TGFBR1: variants seen among roughly 807,000 people sequenced by gnomAD.
The protein encoded by TGFBR1 is transforming growth factor beta receptor 1.
A neutral mutation model predicts 55.1 loss-of-function variants in TGFBR1; 20 were observed. The ratio of observed to expected loss-of-function variants is 0.36; its 90% CI spans 0.26 to 0.53. TGFBR1 has a LOEUF of 0.53. Ranked by LOEUF, TGFBR1 falls within the 20% of genes least tolerant of loss-of-function variation. The pLI is 0.91. For synonymous variants in TGFBR1, 220 were observed against 214.8 expected, an observed-to-expected ratio of 1.02 and a Z score of -0.21; for missense variants, 385 against 617.6, an observed-to-expected ratio of 0.62 and a Z score of 3.99.
intron 1 of TGFBR1, among the ~76,000 whole-genome samples, chr9:99,111,272 A>AT (rs542413873): frequency 9.1e-4 from 108 of 118,320 alleles, no homozygotes; most frequent in African/African-American, 3.3e-3. Context: ...CATTATTAAC[A>AT]TTTGGCATAT....
intron 1 of TGFBR1, among the ~76,000 whole-genome samples, chr9:99,122,770 A>C (rs1168495384): frequency 6.6e-6 from 1 of 152,148 alleles, no homozygotes; most frequent in Non-Finnish European, 1.5e-5. Flanking sequence ...GTGCTGAATC[A>C]CACTGAAATC....
At chr9:99,111,120 C>T (rs1826556036) in intron 1 of TGFBR1, among the ~76,000 whole-genome samples, 1 of 152,086 alleles carries the variant, frequency 6.6e-6, no homozygotes, top group Non-Finnish European at 1.5e-5. Flanking sequence ...TTTGAATCTT[C>T]CTGACGAGTC....
At chr9:99,116,465 A>T (rs1045181676) in intron 1 of TGFBR1, among the ~76,000 whole-genome samples, 2 of 152,226 alleles carry the variant, frequency 1.3e-5, no homozygotes. Context: ...GTAACTGGGA[A>T]AAAGGAAAAT....
intron 1 of TGFBR1, among the ~76,000 whole-genome samples, chr9:99,107,372 A>G (rs1826442687): frequency 6.6e-6 from 1 of 152,228 alleles, no homozygotes; most frequent in African/African-American, 2.4e-5. Flanking sequence ...TCTGTCTCCA[A>G]CATAGGTTTC....
At chr9:99,134,805 TATATATATATATATA>T (rs1564157147) in intron 3 of TGFBR1, among the ~76,000 whole-genome samples, 4,906 of 31,784 alleles carry the variant, frequency 0.15, 346 homozygotes, top group Non-Finnish European at 0.2. Context: ...GTTTCCATTA[TATATATATATATATA>T]TATATATATA....
chr9:99,136,830 TTG>T (rs1184644134), intron 3 of TGFBR1, among the ~76,000 whole-genome samples: 1 of 151,964 alleles, frequency 6.6e-6, no homozygotes, highest in Non-Finnish European at 1.5e-5. Flanking sequence ...GTAAGCAGCT[TTG>T]AGTATAGATT....
At chr9:99,121,145 A>G (rs533736443) in intron 1 of TGFBR1, among the ~76,000 whole-genome samples, 1 of 152,346 alleles carries the variant, frequency 6.6e-6, no homozygotes, top group South Asian at 2.1e-4. Flanking sequence ...TATCTGGAAA[A>G]AAATCAGGCG....
At chr9:99,123,361 G>A (rs1826948514) in intron 1 of TGFBR1, among the ~76,000 whole-genome samples, 1 of 152,062 alleles carries the variant, frequency 6.6e-6, no homozygotes, top group African/African-American at 2.4e-5. Context: ...AAAGACTGGG[G>A]CATGGAAACA....
intron 1 of TGFBR1, 136 bp downstream of exon 1, chr9:99,105,438 T>G: frequency 2.7e-6 from 2 of 748,200 alleles, no homozygotes; most frequent in Non-Finnish European, 3.2e-6. Flanking sequence ...GGCCGGGCTC[T>G]CGTGGCGCCG....
chr9:99,149,134 G>A (rs199705866), intron 8 of TGFBR1, 46 bp from the exon 9 acceptor site: 17 of 1,548,532 alleles, frequency 1.1e-5, no homozygotes, highest in South Asian at 1.1e-4. Flanking sequence ...CCAGACCAAT[G>A]GAAAATGGTG....
intron 1 of TGFBR1, among the ~76,000 whole-genome samples, chr9:99,120,559 C>T (rs1157819746): frequency 1.3e-5 from 2 of 152,154 alleles, no homozygotes; most frequent in African/African-American, 2.4e-5. Flanking sequence ...AGGACCATTC[C>T]CTTGTCCTTA....
upstream of TGFBR1, chr9:99,105,021 G>A: frequency 2.6e-6 from 1 of 386,002 alleles, no homozygotes; most frequent in Non-Finnish European, 3.7e-6. Flanking sequence ...TTGGCAGCTC[G>A]CGGCGGCGGG....
In TGFBR1 at chr9:99,146,098, T is replaced by TG. The variant is rs1326001763; in HGVS notation, c.1131-387_1131-386insG. On this transcript the variant is annotated intron_variant, in intron 6 of 8. Transcript: ENST00000374994. ...ACTGGCATTCTTTTGTATCTATTATTTTTTTCCCTGGAGTATATTCGTGCC... is the reference window on the plus strand; with the variant it reads ...ACTGGCATTCTTTTGTATCTATTATTGTTTTTCCCTGGAGTATATTCGTGCC... 4 of 295,686 alleles carry TG rather than the reference T, an allele frequency of 1.4e-5. No individual in the cohort carries two copies. In the Admixed American group the frequency reaches 2.0e-4, roughly 15 times the overall value. 18.3% of individuals were successfully genotyped at this position (295,686 alleles called of 1,614,324 possible).
chr9:99,118,875 C>T (rs1826823741), intron 1 of TGFBR1, among the ~76,000 whole-genome samples: 1 of 152,100 alleles, frequency 6.6e-6, no homozygotes, highest in South Asian at 2.1e-4. Flanking sequence ...AAATGACTTT[C>T]CTTTCTTCAC....
At chr9:99,119,713 G>A (rs1303593279) in intron 1 of TGFBR1, among the ~76,000 whole-genome samples, 1 of 152,174 alleles carries the variant, frequency 6.6e-6, no homozygotes, top group African/African-American at 2.4e-5. Flanking sequence ...GTTAATTTGG[G>A]TTGGAACTGA....
Position 99,152,116 on chromosome 9 carries a change from C to T in TGFBR1, c.*2811C>T, listed in dbSNP as rs962835949. On this transcript the variant is annotated 3_prime_UTR_variant, in exon 9 of 9. Coordinates refer to ENST00000374994, the MANE Select transcript of TGFBR1 (RefSeq NM_004612.4). ...CTGACGCAGAGACCGTTGCCTCCCC[C>T]ACAGCCGTTTGACTGAAGGCTGCTC... 4.8e-5 allele frequency: 10 copies of T among 207,428 alleles called. 1 individual carries two copies. The Admixed American group carries it at 5.9e-4, about 12-fold the overall frequency. 12.8% of individuals were successfully genotyped at this position (207,428 alleles called of 1,614,324 possible). A position where few individuals can be genotyped will look rare whatever the true frequency, so the allele number is the denominator to read the frequency against.
intron 1 of TGFBR1, among the ~76,000 whole-genome samples, chr9:99,114,563 G>A (rs1826679073): frequency 6.6e-6 from 1 of 152,186 alleles, no homozygotes; most frequent in African/African-American, 2.4e-5. Flanking sequence ...ATTTAGTGCT[G>A]CTGCCTCCAT....
chr9:99,110,143 T>C lies in TGFBR1; in HGVS notation c.97+4841T>C, dbSNP rs1179987751. On this transcript the variant is annotated intron_variant, in intron 1 of 8. Transcript: ENST00000374994. ...CAGACATCACTTTCTTAAATACTAG[T>C]GGACTAAGTTCAGTTGGTTTTATGG... 3.3e-5 allele frequency among the ~76,000 whole-genome samples: 5 copies of C among 152,196 alleles called. No homozygotes were observed. In the East Asian group the frequency reaches 9.6e-4, roughly 29 times the overall value.
rs1342681796 is a variant in TGFBR1, at chr9:99,153,018, GTTT to G, written c.*3716_*3718del. On this transcript the variant is annotated 3_prime_UTR_variant, in exon 9 of 9. Transcript: ENST00000374994. ...ACTTAAAAGGAACTTCAGTGAATTT[GTTT>G]TTATTTTTTAACAAGATTTGTGAAC... 4.4e-6 allele frequency: 1 copy of G among 228,260 alleles called. No individual in the cohort carries two copies. The highest frequency in any genetic ancestry group is 8.7e-6 in the Non-Finnish European group (1 of 114,634). 14.1% of individuals were successfully genotyped at this position (228,260 alleles called of 1,614,324 possible).
Sources: gnomAD v4.1 joint callset for allele counts (sites outside exome capture counted in the v4.1 genomes callset) on GRCh38, gnomAD v4.1.1 for gene constraint, MANE v1.5 for transcripts, NCBI Gene and HGNC (gene_info 2026-07-23, HGNC 2026-07-21) for gene names.